The following AK5 variants were observed in gnomAD, a reference collection of about 807,000 sequenced individuals.
AK5 encodes the protein adenylate kinase isoenzyme 5.
AK5 carries 27 observed loss-of-function variants against 69.5 expected under a neutral mutation model. That is an observed-to-expected ratio of 0.39 (90% confidence interval 0.29 to 0.54). The LOEUF is 0.54. Ranked by LOEUF, AK5 falls within the 20% of genes least tolerant of loss-of-function variation. The pLI is 0.71. For missense variants in AK5, 531 were observed against 700.4 expected (o/e 0.76, Z 2.73); for synonymous variants, 260 against 244.4 (o/e 1.06, Z -0.60).
At chr1:77,338,545 T>C (rs550982405) in intron 5 of AK5, among the ~76,000 whole-genome samples, 1 of 152,292 alleles carries the variant, frequency 6.6e-6, no homozygotes, top group Non-Finnish European at 1.5e-5. Context: ...TGAAAGTCAG[T>C]GCTGACAGTG....
chr1:77,475,417 ACTATATATTATATATATGTATATATATT>A (rs1654837341), intron 8 of AK5, among the ~76,000 whole-genome samples: 1 of 3,918 alleles, frequency 2.6e-4, no homozygotes, highest in East Asian at 0.026. Flanking sequence ...GTATATATAT[ACTATATATTATATATATGTATATATATT>A]ATATATATAC....
In AK5 at chr1:77,559,351, G is replaced by A. The variant is rs1006252459; in HGVS notation, c.*681G>A. 5.9e-5 allele frequency: 9 copies of A among 152,144 alleles called. No individual in the cohort carries two copies. The highest frequency in any genetic ancestry group is 2.2e-4 in the African/African-American group (9 of 41,478). 9.4% of individuals were successfully genotyped at this position (152,144 alleles called of 1,614,324 possible). On this transcript the variant is annotated 3_prime_UTR_variant, in exon 14 of 14. Transcript: ENST00000354567. ...TATTATTATTATTTTTTAGAAACTT[G>A]GAATACTGTCGTCATGGCTAAGAGA...
At chr1:77,422,544 T>C (rs1206022698) in intron 8 of AK5, among the ~76,000 whole-genome samples, 1 of 152,164 alleles carries the variant, frequency 6.6e-6, no homozygotes, top group African/African-American at 2.4e-5. Context: ...GTTTGCACAG[T>C]CCCTTTCCTC....
rs141533163 is a variant in AK5 at position 77,384,848 on chromosome 1, C to A, written c.892-26133C>A. On this transcript the variant is annotated intron_variant, in intron 6 of 13. Coordinates refer to ENST00000354567, the MANE Select transcript of AK5 (RefSeq NM_174858.3). ...GGTAATGATGACACTACTACTACTA[C>A]AAGTGATAACCAATTAGTGAATAGC... is the stretch of plus-strand genomic sequence containing the variant. 4.8e-3 allele frequency among the ~76,000 whole-genome samples: 733 copies of A among 152,222 alleles called. 4 individuals carry two copies. The highest frequency in any genetic ancestry group is 0.017 in the African/African-American group (701 of 41,522).
At position 77,375,413 on chromosome 1, in the gene AK5, G is replaced by A. The variant is rs1008544642; in HGVS notation, c.891+34845G>A. On this transcript the variant is annotated intron_variant, in intron 6 of 13. Coordinates refer to ENST00000354567, the MANE Select transcript of AK5 (RefSeq NM_174858.3). ...AGGACATCGGGGCATGCATGCTGGG[G>A]ATCTGCCATCCCAGGCCTAAAAGAA... is the stretch of plus-strand genomic sequence containing the variant. 8.5e-5 allele frequency among the ~76,000 whole-genome samples: 13 copies of A among 152,270 alleles called. No individual in the cohort carries two copies. In the South Asian group the frequency reaches 2.1e-3, roughly 24 times the overall value.
chr1:77,552,499 G>C (rs12074409), intron 13 of AK5, among the ~76,000 whole-genome samples: 92,013 of 152,116 alleles, frequency 0.6, 30,550 homozygotes, highest in Non-Finnish European at 0.74. Context: ...ATTGCAACAA[G>C]TAAATGGCCA....
chr1:77,450,182 T>C (rs989472174), intron 8 of AK5, among the ~76,000 whole-genome samples: 10 of 152,218 alleles, frequency 6.6e-5, no homozygotes, highest in African/African-American at 2.4e-4. Flanking sequence ...TTCGTATCAC[T>C]ATCAGCATTT....
At chr1:77,346,206 C>T (rs1661906922) in intron 6 of AK5, 1 of 152,146 alleles carries the variant, frequency 6.6e-6, no homozygotes, top group Non-Finnish European at 1.5e-5. Flanking sequence ...CCAAAGTGGA[C>T]CATGCCCTTC....
intron 6 of AK5, among the ~76,000 whole-genome samples, chr1:77,393,981 G>T (rs111336761): frequency 0.027 from 4,050 of 152,202 alleles, 74 homozygotes; most frequent in Non-Finnish European, 0.042. Context: ...TTGGGAGGTT[G>T]AGGTGGGCCT....
At chr1:77,314,411 TA>T (rs10712325) in intron 5 of AK5, 126,763 of 148,678 alleles carry the variant, frequency 0.85, 54,058 homozygotes, top group Non-Finnish European at 0.88. Context: ...ACCAAAAAAA[TA>T]AAAAAAAAAA....
At chr1:77,464,514 A>G (rs978145028) in intron 8 of AK5, among the ~76,000 whole-genome samples, 1 of 152,174 alleles carries the variant, frequency 6.6e-6, no homozygotes, top group African/African-American at 2.4e-5. Context: ...TCTTAAAATG[A>G]GTCTTTTAAT....
At chr1:77,530,855 C>G (rs532079805) in intron 12 of AK5, among the ~76,000 whole-genome samples, 1 of 152,062 alleles carries the variant, frequency 6.6e-6, no homozygotes, top group African/African-American at 2.4e-5. Context: ...CAGAAGAAAA[C>G]TAAGGTGGGG....
At chr1:77,356,132 A>C (rs1662515034) in intron 6 of AK5, among the ~76,000 whole-genome samples, 1 of 152,138 alleles carries the variant, frequency 6.6e-6, no homozygotes, top group Non-Finnish European at 1.5e-5. Context: ...TCAAATTTTG[A>C]CATTTTTTGC....
intron 13 of AK5, among the ~76,000 whole-genome samples, chr1:77,547,271 C>CTTTTTTTTT (rs532879024): frequency 9.3e-6 from 1 of 107,434 alleles, no homozygotes; most frequent in Non-Finnish European, 1.8e-5. Flanking sequence ...ATAAAGTTCT[C>CTTTTTTTTT]TTTTTTTTTT....
chr1:77,395,886 A>C (rs544129913), intron 6 of AK5, among the ~76,000 whole-genome samples: 1 of 151,980 alleles, frequency 6.6e-6, no homozygotes, highest in Non-Finnish European at 1.5e-5. Flanking sequence ...CCCCTGACTC[A>C]CTCCTCTTCA....
chr1:77,415,531 T>C (rs568940106), intron 7 of AK5, among the ~76,000 whole-genome samples: 2 of 152,180 alleles, frequency 1.3e-5, no homozygotes, highest in South Asian at 2.1e-4. Context: ...CAGATAAAAT[T>C]TGTGTTATCT....
chr1:77,360,833 T>C (rs1646850148), intron 6 of AK5, among the ~76,000 whole-genome samples: 1 of 152,200 alleles, frequency 6.6e-6, no homozygotes, highest in South Asian at 2.1e-4. Context: ...GAATATGTGT[T>C]ATTCTTATGG....
In AK5 at chr1:77,495,084, C is replaced by T. The variant is rs192705098; in HGVS notation, c.1147+8732C>T. On this transcript the variant is annotated intron_variant, in intron 10 of 13. Coordinates refer to ENST00000354567, the MANE Select transcript of AK5 (RefSeq NM_174858.3). ...GGTGTGAGCCACCGCACCCGGCCCC[C>T]ATATGCAGTATCTTATTTAATCCTC... Among the ~76,000 whole-genome samples, 60 of 152,220 alleles carry T rather than the reference C, an allele frequency of 3.9e-4. No individual in the cohort carries two copies. The East Asian group carries it at 5.0e-3, about 13-fold the overall frequency.
chr1:77,282,168 C>T lies in AK5; in HGVS notation c.-146C>T, dbSNP rs963129343. On this transcript the variant is annotated 5_prime_UTR_variant, in exon 1 of 14. Coordinates refer to ENST00000354567, the MANE Select transcript of AK5 (RefSeq NM_174858.3). ...AGGCGGAGGGGGTCCCTGGCCTGGGCGGAGAGGCTGAGCTGAGTGCGCGTG... is the reference window on the plus strand; with the variant it reads ...AGGCGGAGGGGGTCCCTGGCCTGGGTGGAGAGGCTGAGCTGAGTGCGCGTG... 6 of 638,374 alleles carry T rather than the reference C, an allele frequency of 9.4e-6. No homozygotes were observed. The highest frequency in any genetic ancestry group is 5.8e-5 in the African/African-American group (3 of 51,612). The allele number at this position is 638,374 out of a possible 1,614,324, so 39.5% of individuals were successfully genotyped here. A position where few individuals can be genotyped will look rare whatever the true frequency, so the allele number is the denominator to read the frequency against.
Sources: allele counts gnomAD v4.1 joint callset (sites outside exome capture counted in the v4.1 genomes callset), GRCh38; gene constraint gnomAD v4.1.1; transcripts MANE v1.5; gene names NCBI Gene and HGNC (gene_info 2026-07-23, HGNC 2026-07-21).